Variants in RAF1 observed in about 807,000 individuals in gnomAD.
RAF1 encodes the protein Raf-1 proto-oncogene, serine/threonine kinase, also known as RAF proto-oncogene serine/threonine-protein kinase.
Under a neutral mutation model 81.1 loss-of-function variants are expected in RAF1, and 27 were observed. The observed-to-expected ratio is 0.33, with a 90% CI of 0.25 to 0.46. The LOEUF (loss-of-function observed/expected upper bound fraction) is 0.46, where lower values mean the gene tolerates loss of function less well. Ranked by LOEUF, RAF1 falls within the 20% of genes least tolerant of loss-of-function variation. The probability of loss-of-function intolerance (pLI) is 1.00; values close to 1 mark genes in which losing one functional copy is unlikely to be tolerated. For missense variants in RAF1, 598 were observed against 826.0 expected, an observed-to-expected ratio of 0.72 and a Z score of 3.38; for synonymous variants, 298 against 294.0, an observed-to-expected ratio of 1.01 and a Z score of -0.14.
intron 14 of RAF1, 169 bp downstream of exon 13, chr3:12,587,422 G>A (rs2058363825): frequency 6.9e-6 from 5 of 723,318 alleles, no homozygotes; most frequent in African/African-American, 5.3e-5. Flanking sequence ...AGCTGCTGAG[G>A]GACAGGCCAA....
chr3:12,604,642 C>G (rs1446019400), intron 6 of RAF1, among the ~76,000 whole-genome samples: 1 of 152,138 alleles, frequency 6.6e-6, no homozygotes, highest in African/African-American at 2.4e-5. Context: ...ACCTATTAAG[C>G]TAGTTGGAAC....
In RAF1 at chr3:12,591,700, C is replaced by T. The variant is rs765778474; in HGVS notation, c.1253+8G>A. The T allele has an allele frequency of 5.6e-6, 9 of 1,613,432 alleles. No individual in the cohort carries two copies. In the East Asian group the frequency reaches 2.0e-4, roughly 36 times the overall value. On this transcript the variant is annotated splice_region_variant and intron_variant, in intron 12 of 17. Coordinates refer to ENST00000442415, the MANE Select transcript of RAF1 (RefSeq NM_001354689.3). The stretch of plus-strand genomic sequence containing the variant: ...CCAGAGGGACTGGACCGCCAGCTTT[C>T]TACTCACCGCAGAACAGCCACCTCA...
chr3:12,658,985 T>C (rs149241270), intron 1 of RAF1, among the ~76,000 whole-genome samples: 92 of 152,298 alleles, frequency 6.0e-4, no homozygotes, highest in African/African-American at 2.1e-3. Context: ...TGAAATTAAC[T>C]AAAATCATTT....
At chr3:12,606,105 AG>A (rs2059020234) in intron 6 of RAF1, 95 bp downstream of exon 6, 4 of 844,438 alleles carry the variant, frequency 4.7e-6, no homozygotes, top group Middle Eastern at 2.2e-4. Flanking sequence ...CGTAGAGAGG[AG>A]GGAATGCGAA....
chr3:12,589,583 G>C (rs1362429312), intron 13 of RAF1: 2 of 152,138 alleles, frequency 1.3e-5, no homozygotes, highest in African/African-American at 2.4e-5. Flanking sequence ...GGGCAACATA[G>C]TGAGACCTCC....
chr3:12,624,944 G>A (rs1360895611), intron 1 of RAF1, among the ~76,000 whole-genome samples: 13 of 146,848 alleles, frequency 8.9e-5, no homozygotes, highest in Admixed American at 8.2e-4. Flanking sequence ...AGTAAAAGAT[G>A]AACAATGCCA....
intron 8 of RAF1, among the ~76,000 whole-genome samples, chr3:12,602,588 C>A (rs1250935146): frequency 6.6e-6 from 1 of 152,106 alleles, no homozygotes; most frequent in South Asian, 2.1e-4. Flanking sequence ...AACTCCTGGT[C>A]GCAAGTGATC....
chr3:12,585,027 C>G (rs774613971), intron 16 of RAF1, 46 bp from the exon 16 acceptor site: 2 of 1,613,998 alleles, frequency 1.2e-6, no homozygotes, highest in South Asian at 2.2e-5. Context: ...GAATGAACAA[C>G]AGATAATAAC....
At position 12,584,255 on chromosome 3, in the gene RAF1, C is replaced by T. The variant is rs997118246; in HGVS notation, c.*259G>A. 10 of 529,950 alleles carry T rather than the reference C, an allele frequency of 1.9e-5. No individual in the cohort carries two copies. Among genetic ancestry groups the T allele is most frequent in the African/African-American group, 1.7e-4 (9 of 52,794 alleles). 32.8% of individuals were successfully genotyped at this position (529,950 alleles called of 1,614,324 possible). ...CCATCAACATCCACTTGCGCATCTA[C>T]AGAAGGCTGGGCCTTGAGCATGGGG... On this transcript the variant is annotated 3_prime_UTR_variant, in exon 18 of 18. Transcript: ENST00000442415.
At chr3:12,588,599 A>G (rs2058405063) in intron 13 of RAF1, 1 of 152,224 alleles carries the variant, frequency 6.6e-6, no homozygotes, top group Admixed American at 6.5e-5. Context: ...CAGTATTATA[A>G]TCTTGTGGGA....
At chr3:12,603,741 A>G (rs1442307548) in intron 7 of RAF1, among the ~76,000 whole-genome samples, 1 of 152,102 alleles carries the variant, frequency 6.6e-6, no homozygotes, top group Non-Finnish European at 1.5e-5. Flanking sequence ...AAGTCCTAGG[A>G]CTCCACCCTT....
chr3:12,649,502 G>T (rs2060454392), intron 1 of RAF1, among the ~76,000 whole-genome samples: 2 of 152,254 alleles, frequency 1.3e-5, no homozygotes, highest in Admixed American at 1.3e-4. Flanking sequence ...AGGAGGCTGA[G>T]GCGGGAGGAT....
chr3:12,634,272 G>C (rs374760120), intron 1 of RAF1, among the ~76,000 whole-genome samples: 2 of 150,564 alleles, frequency 1.3e-5, no homozygotes, highest in South Asian at 4.2e-4. Flanking sequence ...TCAGCCTCCC[G>C]AGTAGCTGGG....
chr3:12,660,759 A>G lies in RAF1; in HGVS notation c.-27+3054T>C, dbSNP rs2060850008. 3.9e-5 allele frequency among the ~76,000 whole-genome samples: 6 copies of G among 152,104 alleles called. No individual in the cohort carries two copies. The South Asian group carries it at 1.0e-3, about 26-fold the overall frequency. On this transcript the variant is annotated intron_variant, in intron 1 of 17. Transcript: ENST00000442415. ...TGCAAGGCCAAGGCGGGTAGATCAC[A>G]AGGTCAGGAGTTCAAGACCAGCCTG...
At chr3:12,588,884 CA>C (rs1462175845) in intron 13 of RAF1, 1 of 152,186 alleles carries the variant, frequency 6.6e-6, no homozygotes, top group African/African-American at 2.4e-5. Context: ...GGATTCCTCA[CA>C]AACGGCTCGG....
intron 1 of RAF1, among the ~76,000 whole-genome samples, chr3:12,631,623 A>G (rs2059863713): frequency 6.6e-6 from 1 of 152,142 alleles, no homozygotes; most frequent in Non-Finnish European, 1.5e-5. Flanking sequence ...ACAAAACACA[A>G]TTGTTCAGTA....
At position 12,660,136 on chromosome 3, in the gene RAF1, G is replaced by A. The variant is rs572243376; in HGVS notation, c.-27+3677C>T. Among the ~76,000 whole-genome samples, 338 of 148,876 alleles carry A rather than the reference G, an allele frequency of 2.3e-3. 1 individual carries two copies. The highest frequency in any genetic ancestry group is 4.2e-3 in the Non-Finnish European group (280 of 67,460). ...ACAAATGACATGTTATAAACTAAAAGCTACTAGTCTAAGAGCAACTGTAAT... is the reference window on the plus strand; with the variant it reads ...ACAAATGACATGTTATAAACTAAAAACTACTAGTCTAAGAGCAACTGTAAT... On this transcript the variant is annotated intron_variant, in intron 1 of 17. Coordinates refer to ENST00000442415, the MANE Select transcript of RAF1 (RefSeq NM_001354689.3).
At chr3:12,662,576 A>C (rs55861981) in intron 1 of RAF1, among the ~76,000 whole-genome samples, 1 of 151,974 alleles carries the variant, frequency 6.6e-6, no homozygotes, top group Non-Finnish European at 1.5e-5. Flanking sequence ...AATTCTAGCA[A>C]CTTTTATTTT....
intron 1 of RAF1, among the ~76,000 whole-genome samples, chr3:12,654,973 C>T (rs892704265): frequency 2.0e-4 from 30 of 147,208 alleles, no homozygotes; most frequent in African/African-American, 7.0e-4. Flanking sequence ...GCCAGGAGTT[C>T]GAGACCAACC....
Sources: allele counts gnomAD v4.1 joint callset (sites outside exome capture counted in the v4.1 genomes callset), GRCh38; gene constraint gnomAD v4.1.1; transcripts MANE v1.5; gene names NCBI Gene and HGNC (gene_info 2026-07-23, HGNC 2026-07-21).